Variants in PGPEP1 observed in about 807,000 individuals in gnomAD.
The protein encoded by PGPEP1 is pyroglutamyl-peptidase I, also known as pyroglutamyl-peptidase 1.
A neutral mutation model predicts 24.1 loss-of-function variants in PGPEP1; 15 were observed. That is an observed-to-expected ratio of 0.62 (90% CI 0.42 to 0.96). PGPEP1 has a LOEUF of 0.96. Ranked by LOEUF, PGPEP1 falls within the 40% of genes least tolerant of loss-of-function variation. The pLI, the probability that PGPEP1 is intolerant of heterozygous loss-of-function variation, is 0.00. For missense variants in PGPEP1, 242 were observed against 273.4 expected (o/e 0.89, Z 0.81); for synonymous variants, 122 against 116.4 (o/e 1.05, Z -0.31).
chr19:18,362,984 C>T (rs181724113), intron 4 of PGPEP1, among the ~76,000 whole-genome samples: 102 of 151,810 alleles, frequency 6.7e-4, no homozygotes, highest in Middle Eastern at 6.8e-3. Context: ...TCACTCTGCC[C>T]ATTTCCCCAC....
intron 1 of PGPEP1, among the ~76,000 whole-genome samples, chr19:18,342,049 G>A (rs1189637735): frequency 1.3e-5 from 2 of 151,910 alleles, no homozygotes; most frequent in African/African-American, 2.4e-5. Flanking sequence ...CTGGAATTAC[G>A]GGCACGCATC....
chr19:18,343,961 G>C (rs1970756085), intron 2 of PGPEP1, among the ~76,000 whole-genome samples: 1 of 151,914 alleles, frequency 6.6e-6, no homozygotes. Context: ...TGGGATTACA[G>C]GTGTGAGCCA....
At chr19:18,348,596 A>G (rs1249617698) in intron 2 of PGPEP1, among the ~76,000 whole-genome samples, 2 of 152,154 alleles carry the variant, frequency 1.3e-5, no homozygotes, top group African/African-American at 4.8e-5. Flanking sequence ...GAGCGTGTTC[A>G]GAGGCTAAGA....
intron 2 of PGPEP1, among the ~76,000 whole-genome samples, chr19:18,351,624 C>CA (rs538291645): frequency 0.17 from 13,077 of 77,834 alleles, 819 homozygotes; most frequent in Non-Finnish European, 0.21. Context: ...AACTCCGTCT[C>CA]AAAAAAAAAA....
At chr19:18,346,868 G>A (rs183770049) in intron 2 of PGPEP1, among the ~76,000 whole-genome samples, 1 of 151,742 alleles carries the variant, frequency 6.6e-6, no homozygotes, top group African/African-American at 2.4e-5. Flanking sequence ...TTGAACTCCC[G>A]ACCTCAGGTG....
chr19:18,356,047 G>A, intron 3 of PGPEP1, 36 bp downstream of exon 3: 1 of 1,314,372 alleles, frequency 7.6e-7, no homozygotes, highest in Non-Finnish European at 1.1e-6. Flanking sequence ...TCCTCATCAG[G>A]ACTTACAGGT....
At position 18,340,720 on chromosome 19, in the gene PGPEP1, G is replaced by A; in HGVS notation, c.34+5G>A. ...GGAAGGCGGTGGTAGTGACGGGTACGCTGGCTGATGGGGGCTGTAGCGGCA... is the reference window on the plus strand; with the variant it reads ...GGAAGGCGGTGGTAGTGACGGGTACACTGGCTGATGGGGGCTGTAGCGGCA... On this transcript the variant is annotated splice_donor_5th_base_variant and intron_variant, in intron 1 of 4. Transcript: ENST00000269919. 6.6e-7 allele frequency: 1 copy of A among 1,522,460 alleles called. No homozygotes were observed. The highest frequency in any genetic ancestry group is 8.8e-7 in the Non-Finnish European group (1 of 1,134,806). 94.3% of individuals were successfully genotyped at this position (1,522,460 alleles called of 1,614,324 possible).
At chr19:18,347,067 T>C (rs1256464898) in intron 2 of PGPEP1, among the ~76,000 whole-genome samples, 1 of 151,666 alleles carries the variant, frequency 6.6e-6, no homozygotes, top group Non-Finnish European at 1.5e-5. Context: ...TCGCTCTCTT[T>C]TTTTTTTGAG....
chr19:18,361,673 C>T, intron 4 of PGPEP1: 1 of 943,770 alleles, frequency 1.1e-6, no homozygotes. Context: ...ATTCTCATTC[C>T]CTCTCTTTTT....
At chr19:18,347,270 C>T (rs77200372) in intron 2 of PGPEP1, among the ~76,000 whole-genome samples, 87 of 94,402 alleles carry the variant, frequency 9.2e-4, no homozygotes, top group Middle Eastern at 0.015. Context: ...TTCTTTCTTT[C>T]TTTTTTTTTT....
rs187946500 is a variant in PGPEP1, at chr19:18,363,372, G to C, written c.438-19G>C. Reference sequence around the variant, plus strand: ...CCCCGTTTTGGTCTCTCTCTTACCCGCCACGCCCTGCGGCTTAGATATCTC... The same window carrying C: ...CCCCGTTTTGGTCTCTCTCTTACCCCCCACGCCCTGCGGCTTAGATATCTC... On this transcript the variant is annotated intron_variant, in intron 4 of 4. Coordinates refer to ENST00000269919, the MANE Select transcript of PGPEP1 (RefSeq NM_017712.4). 4 of 1,593,962 alleles carry C rather than the reference G, an allele frequency of 2.5e-6. No homozygotes were observed. The African/African-American group carries it at 4.0e-5, about 16-fold the overall frequency.
At chr19:18,348,105 A>C (rs1005822967) in intron 2 of PGPEP1, among the ~76,000 whole-genome samples, 3 of 151,892 alleles carry the variant, frequency 2.0e-5, no homozygotes, top group African/African-American at 7.3e-5. Flanking sequence ...CCCAAGCACG[A>C]GGCACCATGT....
At chr19:18,352,580 G>A (rs1971067652) in intron 2 of PGPEP1, among the ~76,000 whole-genome samples, 2 of 151,744 alleles carry the variant, frequency 1.3e-5, no homozygotes, top group South Asian at 2.1e-4. Context: ...TTGAGACAGA[G>A]TCTTGCTCTG....
At chr19:18,349,170 G>A in intron 2 of PGPEP1, 3 of 888,270 alleles carry the variant, frequency 3.4e-6, no homozygotes, top group Non-Finnish European at 4.0e-6. Context: ...TTGTTTTTTT[G>A]TTTGTTTGTT....
In PGPEP1 at chr19:18,356,104, A is replaced by T; in HGVS notation, c.204+93A>T. 3 of 765,794 alleles carry T rather than the reference A, an allele frequency of 3.9e-6. No homozygotes were observed. In the East Asian group the frequency reaches 7.7e-5, roughly 20 times the overall value. The allele number at this position is 765,794 out of a possible 1,614,324, so 47.4% of individuals were successfully genotyped here. ...CTTAGGTGGCTTTGGTCCTGATCAG[A>T]TCACGTGACCAATGCCATACAGCCT... is the stretch of plus-strand genomic sequence containing the variant. On this transcript the variant is annotated intron_variant, in intron 3 of 4. Coordinates refer to ENST00000269919, the MANE Select transcript of PGPEP1 (RefSeq NM_017712.4).
rs529171484 is a variant in PGPEP1 at position 18,352,296 on chromosome 19, G to T, written c.88-3599G>T. ...AAAAAAAAAAAAAAAAATTAGTTGG[G>T]TGTTTTCCCAGTACTCGGGAGTACT... is the stretch of plus-strand genomic sequence containing the variant. On this transcript the variant is annotated intron_variant, in intron 2 of 4. Coordinates refer to ENST00000269919, the MANE Select transcript of PGPEP1 (RefSeq NM_017712.4). Among the ~76,000 whole-genome samples, 411 of 90,106 alleles carry T rather than the reference G, an allele frequency of 4.6e-3. 3 individuals carry two copies. The highest frequency in any genetic ancestry group is 0.013 in the African/African-American group (381 of 29,038). The allele number at this position is 90,106 out of a possible 152,430, so 59.1% of individuals were successfully genotyped here.
intron 2 of PGPEP1, among the ~76,000 whole-genome samples, chr19:18,354,494 C>CAAAAT (rs955692721): frequency 1.4e-4 from 21 of 151,826 alleles, no homozygotes; most frequent in South Asian, 8.4e-4. Flanking sequence ...GACTCTGTCT[C>CAAAAT]AAAATAAAAT....
chr19:18,352,918 CT>C (rs147065945), intron 2 of PGPEP1, among the ~76,000 whole-genome samples: 121 of 144,332 alleles, frequency 8.4e-4, no homozygotes, highest in East Asian at 1.2e-3. Flanking sequence ...CAGGTTGAAT[CT>C]TTTTTTTTTT....
At chr19:18,344,732 G>A (rs1481124562) in intron 2 of PGPEP1, among the ~76,000 whole-genome samples, 1 of 152,142 alleles carries the variant, frequency 6.6e-6, no homozygotes, top group South Asian at 2.1e-4. Flanking sequence ...GCATGTTTCT[G>A]AAGACTTGTG....
Sources: gnomAD v4.1 joint callset for allele counts (sites outside exome capture counted in the v4.1 genomes callset) on GRCh38, gnomAD v4.1.1 for gene constraint, MANE v1.5 for transcripts, NCBI Gene and HGNC (gene_info 2026-07-23, HGNC 2026-07-21) for gene names.